The following GREB1L variants were observed in gnomAD, a reference collection of about 807,000 sequenced individuals.
The protein encoded by GREB1L is GREB1-like protein.
Under a neutral mutation model 200.8 loss-of-function variants are expected in GREB1L, and 17 were observed. The observed-to-expected ratio is 0.08, with a 90% confidence interval of 0.06 to 0.13. The LOEUF is 0.13. Ranked by LOEUF, GREB1L falls within the 10% of genes least tolerant of loss-of-function variation. GREB1L has a pLI of 1.00. For missense variants in GREB1L, 1,657 were observed against 2,367.7 expected (o/e 0.70, Z 6.23); for synonymous variants, 789 against 893.0 (o/e 0.88, Z 2.08).
In GREB1L at chr18:21,454,887, T is replaced by C. The variant is rs574513192; in HGVS notation, c.2182+324T>C. ...GCGAGGATGGCCCTGCATGGGTTGA[T>C]GGCGTCTGTGCCACCTGAACTCCTC... On this transcript the variant is annotated intron_variant, in intron 15 of 32. Transcript: ENST00000424526. 1.2e-4 allele frequency: 43 copies of C among 370,198 alleles called. 1 individual carries two copies. The highest frequency in any genetic ancestry group is 9.4e-4 in the South Asian group (42 of 44,844). 22.9% of individuals were successfully genotyped at this position (370,198 alleles called of 1,614,324 possible). A position where few individuals can be genotyped will look rare whatever the true frequency, so the allele number is the denominator to read the frequency against.
intron 7 of GREB1L, among the ~76,000 whole-genome samples, chr18:21,418,858 A>C (rs2031892283): frequency 6.6e-6 from 1 of 152,136 alleles, no homozygotes; most frequent in South Asian, 2.1e-4. Flanking sequence ...TTTAATCAAT[A>C]AGCATGTATT....
At chr18:21,362,160 GAGATT>G (rs2039589916) in intron 1 of GREB1L, among the ~76,000 whole-genome samples, 1 of 151,960 alleles carries the variant, frequency 6.6e-6, no homozygotes. Context: ...AGAAAATTCT[GAGATT>G]ATGAAATATT....
At chr18:21,271,295 G>T (rs1230363959) in intron 1 of GREB1L, among the ~76,000 whole-genome samples, 1 of 151,986 alleles carries the variant, frequency 6.6e-6, no homozygotes. Context: ...CTTCTTTCAT[G>T]CATGTCCCAT....
intron 7 of GREB1L, among the ~76,000 whole-genome samples, chr18:21,427,083 A>G (rs186084727): frequency 6.6e-6 from 1 of 152,024 alleles, no homozygotes; most frequent in East Asian, 1.9e-4. Flanking sequence ...AACCAGCTGG[A>G]ATTTTGATGG....
At chr18:21,269,137 A>C (rs2038038473) in intron 1 of GREB1L, among the ~76,000 whole-genome samples, 1 of 152,176 alleles carries the variant, frequency 6.6e-6, no homozygotes, top group Admixed American at 6.5e-5. Context: ...TCTGGGATGA[A>C]GATGTCATAA....
chr18:21,368,144 A>G (rs2039743639), intron 2 of GREB1L, among the ~76,000 whole-genome samples: 1 of 152,198 alleles, frequency 6.6e-6, no homozygotes, highest in Admixed American at 6.5e-5. Context: ...AATATCTACT[A>G]CTTGTGTGTG....
intron 16 of GREB1L, among the ~76,000 whole-genome samples, chr18:21,476,091 A>G (rs1484057701): frequency 1.3e-5 from 2 of 150,504 alleles, no homozygotes; most frequent in Non-Finnish European, 2.9e-5. Flanking sequence ...AAAGCAAATC[A>G]GCAGGGGTCG....
At chr18:21,495,833 A>G (rs557684290) in intron 20 of GREB1L, 48 bp downstream of exon 20, 1 of 1,053,968 alleles carries the variant, frequency 9.5e-7, no homozygotes, top group East Asian at 2.6e-5. Context: ...GCCCAGCTGA[A>G]CTGATGATTA....
At chr18:21,314,726 TACTTA>T (rs2038842034) in intron 1 of GREB1L, among the ~76,000 whole-genome samples, 1 of 152,256 alleles carries the variant, frequency 6.6e-6, no homozygotes, top group Non-Finnish European at 1.5e-5. Context: ...GTGTTGCAGT[TACTTA>T]ACTCTGCAGT....
intron 1 of GREB1L, among the ~76,000 whole-genome samples, chr18:21,273,426 G>T (rs2038110637): frequency 6.6e-6 from 1 of 151,994 alleles, no homozygotes; most frequent in Non-Finnish European, 1.5e-5. Context: ...TTTCACATCT[G>T]TGAAGAATAA....
Position 21,260,784 on chromosome 18 carries a change from A to T in GREB1L, c.-120+18391A>T, listed in dbSNP as rs182710594. Among the ~76,000 whole-genome samples the T allele has an allele frequency of 1.9e-3, 288 of 152,092 alleles. 1 individual carries two copies. The highest frequency in any genetic ancestry group is 6.5e-3 in the African/African-American group (269 of 41,546). On this transcript the variant is annotated intron_variant, in intron 1 of 32. Coordinates refer to ENST00000424526, the MANE Select transcript of GREB1L (RefSeq NM_001142966.3). ...AAACATTAATGTGTGTGGGGTGGTT[A>T]TGATAGTCCAGCTGCCATTGTGTGT...
intron 2 of GREB1L, chr18:21,380,156 C>G (rs1185671690): frequency 1.3e-5 from 2 of 152,194 alleles, no homozygotes; most frequent in Non-Finnish European, 2.9e-5. Context: ...CCCAGCCACT[C>G]TGATGGAAAT....
At chr18:21,407,997 G>A (rs956962948) in intron 7 of GREB1L, among the ~76,000 whole-genome samples, 1 of 152,146 alleles carries the variant, frequency 6.6e-6, no homozygotes, top group Non-Finnish European at 1.5e-5. Flanking sequence ...AGAGAGGTTG[G>A]CTAATGTGTA....
chr18:21,452,490 G>C (rs1323965181), intron 14 of GREB1L: 1 of 344,800 alleles, frequency 2.9e-6, no homozygotes, highest in East Asian at 5.6e-5. Context: ...AAGATTCCAG[G>C]ACATTGGCTC....
intron 4 of GREB1L, among the ~76,000 whole-genome samples, chr18:21,386,242 G>A (rs1310093250): frequency 3.5e-4 from 54 of 152,228 alleles, no homozygotes; most frequent in Non-Finnish European, 4.0e-4. Context: ...TTGGGGGAAG[G>A]CATTTAAAAC....
intron 7 of GREB1L, among the ~76,000 whole-genome samples, chr18:21,415,546 C>A (rs1277133159): frequency 1.4e-5 from 2 of 146,792 alleles, no homozygotes; most frequent in South Asian, 2.3e-4. Flanking sequence ...AGGAAGAGAG[C>A]GAGGGGAGGG....
chr18:21,263,344 T>C (rs184502043), intron 1 of GREB1L, among the ~76,000 whole-genome samples: 426 of 152,312 alleles, frequency 2.8e-3, no homozygotes, highest in African/African-American at 9.8e-3. Context: ...ATTACAAAAA[T>C]AGCCTTAAGG....
intron 1 of GREB1L, among the ~76,000 whole-genome samples, chr18:21,328,006 G>A (rs1369109449): frequency 2.6e-5 from 4 of 152,126 alleles, no homozygotes; most frequent in African/African-American, 7.2e-5. Flanking sequence ...GAGCCACAGC[G>A]CCCGGCCAAC....
At chr18:21,377,265 GAAAA>G (rs74271353) in intron 2 of GREB1L, among the ~76,000 whole-genome samples, 2 of 143,218 alleles carry the variant, frequency 1.4e-5, no homozygotes, top group African/African-American at 2.6e-5. Context: ...AGGTTGGAAG[GAAAA>G]AAAAAAAGAG....
Sources: allele counts gnomAD v4.1 joint callset (sites outside exome capture counted in the v4.1 genomes callset), GRCh38; gene constraint gnomAD v4.1.1; transcripts MANE v1.5; gene names NCBI Gene and HGNC (gene_info 2026-07-23, HGNC 2026-07-21).